Variants in VIRMA observed in about 807,000 individuals in gnomAD.
VIRMA encodes the protein protein virilizer homolog.
Under a neutral mutation model 182.4 loss-of-function variants are expected in VIRMA, and 65 were observed. That is an observed-to-expected ratio of 0.36 (90% confidence interval 0.29 to 0.44). The LOEUF is 0.44. Ranked by LOEUF, VIRMA falls within the 20% of genes least tolerant of loss-of-function variation. VIRMA has a pLI of 1.00. For synonymous variants in VIRMA, 709 were observed against 743.1 expected, an observed-to-expected ratio of 0.95 and a Z score of 0.75; for missense variants, 1,752 against 2,158.1, an observed-to-expected ratio of 0.81 and a Z score of 3.73.
intron 22 of VIRMA, among the ~76,000 whole-genome samples, chr8:94,491,152 A>T (rs1473733634): frequency 6.6e-6 from 1 of 150,936 alleles, no homozygotes; most frequent in Non-Finnish European, 1.5e-5. Context: ...CATCTCTACT[A>T]AAAATACAAA....
intron 16 of VIRMA, among the ~76,000 whole-genome samples, chr8:94,500,272 G>A (rs564177625): frequency 3.9e-5 from 6 of 152,112 alleles, no homozygotes; most frequent in East Asian, 1.9e-4. Flanking sequence ...AGTGGTGCAC[G>A]CCTGTAATCC....
intron 1 of VIRMA, among the ~76,000 whole-genome samples, chr8:94,545,412 C>T (rs887469451): frequency 2.0e-5 from 3 of 152,132 alleles, no homozygotes; most frequent in African/African-American, 7.2e-5. Context: ...TGCTTACCAA[C>T]AATGAATTTA....
intron 4 of VIRMA, 60 bp from the exon 5 acceptor site, chr8:94,535,067 T>C (rs1465929207): frequency 5.9e-6 from 9 of 1,524,592 alleles, no homozygotes; most frequent in Non-Finnish European, 7.0e-6. Context: ...TGCTAGAAGT[T>C]AGCTGATACC....
At chr8:94,492,432 C>T (rs937709034) in intron 21 of VIRMA, among the ~76,000 whole-genome samples, 3 of 151,092 alleles carry the variant, frequency 2.0e-5, no homozygotes, top group African/African-American at 7.4e-5. Flanking sequence ...TACAGGCACC[C>T]ACCACCACGA....
At chr8:94,500,929 T>C (rs914881717) in intron 16 of VIRMA, among the ~76,000 whole-genome samples, 3 of 151,874 alleles carry the variant, frequency 2.0e-5, no homozygotes, top group African/African-American at 7.2e-5. Flanking sequence ...AAACATAAAT[T>C]TGACTAGATA....
intron 1 of VIRMA, among the ~76,000 whole-genome samples, chr8:94,551,805 G>A (rs952667948): frequency 1.3e-5 from 2 of 152,116 alleles, no homozygotes; most frequent in Non-Finnish European, 2.9e-5. Flanking sequence ...GCTCACTGCA[G>A]CCTTGAACTC....
chr8:94,494,952 C>T lies in VIRMA; in HGVS notation c.4549G>A (p.Ala1517Thr). 2.5e-6 allele frequency: 4 copies of T among 1,598,468 alleles called. No homozygotes were observed. The highest frequency in any genetic ancestry group is 3.4e-6 in the Non-Finnish European group (4 of 1,167,958). The change falls in exon 20 of 24, where the codon GCC (alanine) becomes ACC (threonine). Residue 1517 changes from alanine (A) to threonine (T), a missense_variant. Transcript: ENST00000297591. ...TCCATGACATCAGCAAGCACATAGG[C>T]AGTCCTGGAACAAGAAAAGTATCTG... Reference protein sequence around the residue: ...SLQNLFNNRTAYVLADVMDDQ... With the variant: ...SLQNLFNNRTTYVLADVMDDQ...
At chr8:94,510,961 T>C (rs1055798) in intron 13 of VIRMA, 4 of 1,343,082 alleles carry the variant, frequency 3.0e-6, no homozygotes, top group Non-Finnish European at 3.9e-6. Flanking sequence ...CAAACATACA[T>C]AACAGCAAAA....
chr8:94,551,887 G>A (rs1487208789), intron 1 of VIRMA, among the ~76,000 whole-genome samples: 6 of 152,108 alleles, frequency 3.9e-5, no homozygotes, highest in Non-Finnish European at 7.3e-5. Context: ...ACCACAACTA[G>A]TTAATTTTCT....
chr8:94,517,823 A>C lies in VIRMA; in HGVS notation c.2633T>G (p.Leu878Arg). The C allele has an allele frequency of 1.2e-6, 2 of 1,611,018 alleles. No individual in the cohort carries two copies. The highest frequency in any genetic ancestry group is 4.5e-5 in the East Asian group (2 of 44,702). Reference sequence around the variant, plus strand: ...AGCATTATTTTCATCTGCTTTACAAAGCTTCAAGAGAGATGCTGCATGTTG... The same window carrying C: ...AGCATTATTTTCATCTGCTTTACAACGCTTCAAGAGAGATGCTGCATGTTG... ...LEQHAASLLKLCKADENNAKL... is the reference protein window; with the variant it reads ...LEQHAASLLKRCKADENNAKL... The change falls in exon 10 of 24, where the codon CTT becomes CGT. Residue 878 changes from leucine (L) to arginine (R), a missense_variant. By Grantham distance (102) the Leu-to-Arg change is moderately radical. Around this residue, in one of 11 missense-constraint regions of VIRMA, gnomAD observed 777 missense variants for 920.6 expected, o/e 0.84. Transcript: ENST00000297591.
intron 20 of VIRMA, among the ~76,000 whole-genome samples, chr8:94,493,447 G>A (rs1243860726): frequency 6.6e-6 from 1 of 152,088 alleles, no homozygotes; most frequent in African/African-American, 2.4e-5. Flanking sequence ...TGCCCAACGT[G>A]GTAGCCACTA....
Position 94,519,048 on chromosome 8 carries a change from C to A in VIRMA, c.2450G>T (p.Ser817Ile). 1 of 1,613,778 alleles carries A rather than the reference C, an allele frequency of 6.2e-7. No homozygotes were observed. Among genetic ancestry groups the A allele is most frequent in the Non-Finnish European group, 8.5e-7 (1 of 1,179,882 alleles). ...VGRSAVGHVFSLEKNLQSLIT... is the reference protein window; with the variant it reads ...VGRSAVGHVFILEKNLQSLIT... ...AAGACTTTGGAGATTTTTCTCCAGA[C>A]TAAAAACATGGCCAACAGCTGATCT... Residue 817 changes from serine (S) to isoleucine (I), a missense_variant, in exon 9 of 24, where the codon AGT (serine) becomes ATT (isoleucine). Around this residue, in one of 11 missense-constraint regions of VIRMA, gnomAD observed 777 missense variants for 920.6 expected, o/e 0.84. Coordinates refer to ENST00000297591, the MANE Select transcript of VIRMA (RefSeq NM_015496.5).
chr8:94,496,320 T>G lies in VIRMA; in HGVS notation c.4383+8A>C, dbSNP rs1294529335. On this transcript the variant is annotated splice_region_variant and intron_variant, in intron 18 of 23. Transcript: ENST00000297591. ...GCCTTAAGAACGCTCTGTTTTTTTCTTTTTTACCAAAACAAGCTTCTCTAG... is the reference window on the plus strand; with the variant it reads ...GCCTTAAGAACGCTCTGTTTTTTTCGTTTTTACCAAAACAAGCTTCTCTAG... 1.2e-6 allele frequency: 2 copies of G among 1,604,958 alleles called. No homozygotes were observed. Among genetic ancestry groups the G allele is most frequent in the South Asian group, 2.3e-5 (2 of 88,612 alleles).
intron 6 of VIRMA, among the ~76,000 whole-genome samples, chr8:94,529,973 GA>G (rs1433521997): frequency 6.6e-6 from 1 of 151,508 alleles, no homozygotes; most frequent in African/African-American, 2.4e-5. Flanking sequence ...ATTTTTAATA[GA>G]GACAGGGTCT....
At chr8:94,525,327 A>G (rs532605420) in intron 8 of VIRMA, among the ~76,000 whole-genome samples, 6 of 152,354 alleles carry the variant, frequency 3.9e-5, no homozygotes, top group African/African-American at 7.2e-5. Context: ...GTCCACAGCA[A>G]TAAGTATAAT....
intron 3 of VIRMA, 76 bp from the exon 4 acceptor site, chr8:94,537,227 C>A (rs2130375357): frequency 1.1e-6 from 1 of 947,980 alleles, no homozygotes; most frequent in South Asian, 1.4e-5. Context: ...TCTCTAGATT[C>A]AAATATTTTA....
intron 19 of VIRMA, 124 bp from the exon 20 acceptor site, chr8:94,495,080 A>C: frequency 1.4e-6 from 1 of 708,138 alleles, no homozygotes; most frequent in Non-Finnish European, 2.6e-6. Flanking sequence ...AGTTCACTGC[A>C]GCCTTGATCT....
At position 94,526,844 on chromosome 8, in the gene VIRMA, G is replaced by A. The variant is rs777725455; in HGVS notation, c.1400C>T (p.Ala467Val). ...KAGTKLVSSL[A>V]ECGAQGVTGL... Reference sequence around the variant, plus strand: ...TGTAACTCCTTGAGCCCCACATTCTGCTAGTGAGGACACTAATTTGGTCCC... The same window carrying A: ...TGTAACTCCTTGAGCCCCACATTCTACTAGTGAGGACACTAATTTGGTCCC... Residue 467 changes from alanine (A) to valine (V), a missense_variant, in exon 8 of 24, where the codon GCA (alanine) becomes GTA (valine). Coordinates refer to ENST00000297591, the MANE Select transcript of VIRMA (RefSeq NM_015496.5). 6.2e-7 allele frequency: 1 copy of A among 1,614,080 alleles called. No homozygotes were observed.
intron 17 of VIRMA, chr8:94,496,734 T>C (rs906055974): frequency 6.6e-5 from 22 of 333,810 alleles, no homozygotes; most frequent in Non-Finnish European, 9.6e-5. Context: ...AAATACCGAA[T>C]GGCAAAACAC....
Sources: allele counts gnomAD v4.1 joint callset (sites outside exome capture counted in the v4.1 genomes callset), GRCh38; gene constraint gnomAD v4.1.1; regional missense constraint gnomAD v4.1.1; transcripts MANE v1.5; gene names NCBI Gene and HGNC (gene_info 2026-07-23, HGNC 2026-07-21).